Variants in ROBO2 observed in about 807,000 individuals in gnomAD.
The protein encoded by ROBO2 is roundabout homolog 2.
ROBO2 carries 53 observed loss-of-function variants against 160.8 expected under a neutral mutation model. The ratio of observed to expected loss-of-function variants is 0.33; its 90% confidence interval spans 0.26 to 0.41. The LOEUF is 0.41. Ranked by LOEUF, ROBO2 falls within the 10% of genes least tolerant of loss-of-function variation. The pLI is 1.00. For synonymous variants in ROBO2, 664 were observed against 611.7 expected, an observed-to-expected ratio of 1.09 and a Z score of -1.26; for missense variants, 1,577 against 1,722.4, an observed-to-expected ratio of 0.92 and a Z score of 1.49.
At chr3:76,727,827 G>T (rs1402121825) in intron 2 of ROBO2, among the ~76,000 whole-genome samples, 1 of 152,044 alleles carries the variant, frequency 6.6e-6, no homozygotes, top group Non-Finnish European at 1.5e-5. Flanking sequence ...AAAAGTTCTC[G>T]TGTTCGATGG....
At chr3:77,330,136 G>A (rs745312754) in intron 2 of ROBO2, among the ~76,000 whole-genome samples, 2 of 152,046 alleles carry the variant, frequency 1.3e-5, no homozygotes, top group African/African-American at 2.4e-5. Context: ...CTGATTTGGT[G>A]TCCATACAAA....
intron 2 of ROBO2, among the ~76,000 whole-genome samples, chr3:76,040,430 A>C (rs1401188626): frequency 6.6e-6 from 1 of 151,890 alleles, no homozygotes; most frequent in Non-Finnish European, 1.5e-5. Flanking sequence ...CAAGCAAATA[A>C]TTACATATTT....
At chr3:77,586,311 T>C (rs959431851) in intron 16 of ROBO2, among the ~76,000 whole-genome samples, 11 of 152,144 alleles carry the variant, frequency 7.2e-5, no homozygotes, top group African/African-American at 2.7e-4. Flanking sequence ...AGTATAGTTA[T>C]TGCTTCTCTA....
rs780435948 is a variant in ROBO2 at position 76,492,765 on chromosome 3, G to A, written c.109+555163G>A. On this transcript the variant is annotated intron_variant, in intron 2 of 26. Transcript: ENST00000487694. The stretch of plus-strand genomic sequence containing the variant: ...CTCATTCAACTAACTTGGACTTTCT[G>A]ACCAGTTATCCATGTTTTTCCACTA... 2.0e-5 allele frequency among the ~76,000 whole-genome samples: 3 copies of A among 151,994 alleles called. No homozygotes were observed. In the South Asian group the frequency reaches 6.2e-4, roughly 32 times the overall value.
intron 5 of ROBO2, among the ~76,000 whole-genome samples, chr3:77,514,052 CT>C (rs976363037): frequency 6.6e-6 from 1 of 151,532 alleles, no homozygotes. Flanking sequence ...TCATCTGTTT[CT>C]TTTTTTCTTG....
At chr3:76,722,267 C>T (rs1436012108) in intron 2 of ROBO2, among the ~76,000 whole-genome samples, 3 of 152,016 alleles carry the variant, frequency 2.0e-5, no homozygotes, top group Non-Finnish European at 4.4e-5. Flanking sequence ...ATTACAGGTG[C>T]CTGCCACCCA....
intron 2 of ROBO2, among the ~76,000 whole-genome samples, chr3:76,330,233 A>G (rs1177127293): frequency 6.6e-6 from 1 of 152,192 alleles, no homozygotes; most frequent in African/African-American, 2.4e-5. Context: ...ATAGAGATAC[A>G]CCCAATTAAT....
chr3:75,965,921 G>T (rs1190054589), intron 2 of ROBO2, among the ~76,000 whole-genome samples: 1 of 151,626 alleles, frequency 6.6e-6, no homozygotes, highest in Non-Finnish European at 1.5e-5. Flanking sequence ...ATTTTGAAAA[G>T]GACTTTAATG....
intron 2 of ROBO2, among the ~76,000 whole-genome samples, chr3:77,340,168 T>A (rs2066914631): frequency 6.6e-6 from 1 of 152,052 alleles, no homozygotes; most frequent in Admixed American, 6.6e-5. Context: ...GCTGCACAGG[T>A]TTTTTATCAG....
chr3:76,473,363 G>T (rs1196289728), intron 2 of ROBO2, among the ~76,000 whole-genome samples: 1 of 152,096 alleles, frequency 6.6e-6, no homozygotes, highest in African/African-American at 2.4e-5. Context: ...TCATTTTGAT[G>T]TGTAATGGAT....
At chr3:76,541,195 C>A (rs1414382825) in intron 2 of ROBO2, among the ~76,000 whole-genome samples, 1 of 152,120 alleles carries the variant, frequency 6.6e-6, no homozygotes, top group African/African-American at 2.4e-5. Context: ...GTATTCATTC[C>A]TTCAACATAT....
At chr3:77,368,154 A>G (rs936448852) in intron 2 of ROBO2, among the ~76,000 whole-genome samples, 1 of 152,096 alleles carries the variant, frequency 6.6e-6, no homozygotes, top group Non-Finnish European at 1.5e-5. Flanking sequence ...TTAATTTATA[A>G]TTCTCTCCAG....
chr3:76,877,526 G>T (rs1289960057), intron 2 of ROBO2, among the ~76,000 whole-genome samples: 2 of 152,076 alleles, frequency 1.3e-5, no homozygotes, highest in African/African-American at 2.4e-5. Flanking sequence ...CTCTTCAGGG[G>T]CTTTTTACTT....
At chr3:77,452,015 C>T (rs964283183) in intron 2 of ROBO2, among the ~76,000 whole-genome samples, 4 of 151,938 alleles carry the variant, frequency 2.6e-5, no homozygotes, top group South Asian at 2.1e-4. Context: ...TGAGAACATG[C>T]GGTGTTTGGT....
rs531254520 is a variant in ROBO2 at position 76,619,429 on chromosome 3, C to A, written c.110-478585C>A. ...TGCCATGGAGCAATTTCTTTTCTTA[C>A]GGTGAACTTTTAAAAAGATATCGAG... On this transcript the variant is annotated intron_variant, in intron 2 of 26. Coordinates refer to the ROBO2 transcript ENST00000487694. 6.6e-5 allele frequency among the ~76,000 whole-genome samples: 10 copies of A among 151,916 alleles called. No individual in the cohort carries two copies. The East Asian group carries it at 1.9e-3, about 29-fold the overall frequency.
chr3:76,779,052 T>A (rs372629889), intron 2 of ROBO2, among the ~76,000 whole-genome samples: 1 of 151,038 alleles, frequency 6.6e-6, no homozygotes, highest in Non-Finnish European at 1.5e-5. Context: ...GACTTCATAA[T>A]CTCTACCTCT....
At position 77,477,648 on chromosome 3, in the gene ROBO2, T is replaced by G. The variant is rs535208681; in HGVS notation, c.546+77T>G. ...ATACAAAATAGATGTATTTTATTCT[T>G]TAACATTATTAATACAATTGTATTT... On this transcript the variant is annotated intron_variant, in intron 3 of 25. Transcript: ENST00000461745. 2.0e-3 allele frequency: 2,586 copies of G among 1,303,210 alleles called. 2 individuals are homozygous for G. Among genetic ancestry groups the G allele is most frequent in the Non-Finnish European group, 2.4e-3 (2,186 of 911,130 alleles). 80.7% of individuals were successfully genotyped at this position (1,303,210 alleles called of 1,614,324 possible). A position where few individuals can be genotyped will look rare whatever the true frequency, so the allele number is the denominator to read the frequency against.
At chr3:76,203,325 CTG>C (rs1702630676) in intron 2 of ROBO2, among the ~76,000 whole-genome samples, 1 of 152,208 alleles carries the variant, frequency 6.6e-6, no homozygotes. Flanking sequence ...TACTTTCTCA[CTG>C]TGAGATTGCC....
intron 2 of ROBO2, among the ~76,000 whole-genome samples, chr3:77,288,799 T>G (rs2060805397): frequency 6.6e-6 from 1 of 152,172 alleles, no homozygotes; most frequent in African/African-American, 2.4e-5. Context: ...GGATACAAAT[T>G]GATTATACCT....
Sources: gnomAD v4.1 joint callset for allele counts (sites outside exome capture counted in the v4.1 genomes callset) on GRCh38, gnomAD v4.1.1 for gene constraint, MANE v1.5 for transcripts, NCBI Gene and HGNC (gene_info 2026-07-23, HGNC 2026-07-21) for gene names.